Variants in JADE2 observed in about 807,000 individuals in gnomAD.
The protein encoded by JADE2 is E3 ubiquitin-protein ligase Jade-2.
Under a neutral mutation model 85.7 loss-of-function variants are expected in JADE2, and 13 were observed. That is an observed-to-expected ratio of 0.15 (90% confidence interval 0.10 to 0.24). The LOEUF (loss-of-function observed/expected upper bound fraction) is 0.24, where lower values mean the gene tolerates loss of function less well. Among genes scored for constraint, JADE2 ranks in the 10% least tolerant of loss-of-function variants. The probability of loss-of-function intolerance (pLI) is 1.00; values close to 1 mark genes in which losing one functional copy is unlikely to be tolerated. For synonymous variants in JADE2, 440 were observed against 456.1 expected (o/e 0.96, Z 0.45); for missense variants, 846 against 1,115.9 (o/e 0.76, Z 3.45).
At chr5:134,567,700 T>G (rs1198790415) in intron 9 of JADE2, among the ~76,000 whole-genome samples, 5 of 152,314 alleles carry the variant, frequency 3.3e-5, no homozygotes, top group Admixed American at 3.3e-4. Flanking sequence ...GGTGTTGTAC[T>G]GTCAGGGAAG....
chr5:134,573,947 A>C (rs1653517504), intron 10 of JADE2, 185 bp downstream of exon 10: 1 of 678,784 alleles, frequency 1.5e-6, no homozygotes, highest in African/African-American at 1.8e-5. Context: ...AAGGGTCCTG[A>C]GTTGTGCGTC....
chr5:134,554,519 C>T (rs1412738873), intron 4 of JADE2, among the ~76,000 whole-genome samples: 3 of 152,310 alleles, frequency 2.0e-5, no homozygotes, highest in South Asian at 2.1e-4. Flanking sequence ...GATGTTTCCA[C>T]ACCAGTAGCT....
chr5:134,559,040 C>A (rs1323453017), intron 4 of JADE2, among the ~76,000 whole-genome samples: 2 of 152,222 alleles, frequency 1.3e-5, no homozygotes, highest in Admixed American at 6.5e-5. Flanking sequence ...GGGACTGCAG[C>A]AGGCACATCT....
chr5:134,562,848 C>T lies in JADE2; in HGVS notation c.852+481C>T, dbSNP rs899289146. On this transcript the variant is annotated intron_variant, in intron 7 of 11. Coordinates refer to ENST00000681547, the MANE Select transcript of JADE2 (RefSeq NM_001388185.1). The surrounding 1 kb of genome is among the most constrained non-coding windows in gnomAD (Gnocchi z 4.6). ...CAGGCCGCAGCTATAGGGAGCTTTG[C>T]TTGTGGACTTGGACAGAGCTCAGGT... 6.6e-6 allele frequency among the ~76,000 whole-genome samples: 1 copy of T among 152,208 alleles called. No individual in the cohort carries two copies. Among genetic ancestry groups the T allele is most frequent in the Non-Finnish European group, 1.5e-5 (1 of 68,038 alleles).
chr5:134,539,048 T>TTTATTTATTTATTTATTTATTTAC (rs1406635480), intron 3 of JADE2, among the ~76,000 whole-genome samples: 8 of 139,002 alleles, frequency 5.8e-5, no homozygotes, highest in African/African-American at 2.3e-4. Flanking sequence ...TTTTATTTTA[T>TTTATTTATTTATTTATTTATTTAC]TTATTTATTT....
chr5:134,564,183 C>A, intron 7 of JADE2: 1 of 214,004 alleles, frequency 4.7e-6, no homozygotes. Context: ...AAGGCCCACG[C>A]AGTCTTAAGC....
At chr5:134,529,597 C>G (rs1761098139) in intron 1 of JADE2, among the ~76,000 whole-genome samples, 1 of 152,212 alleles carries the variant, frequency 6.6e-6, no homozygotes, top group African/African-American at 2.4e-5. Context: ...AGACTAAGCC[C>G]AAAGCAGGCA....
chr5:134,538,228 C>T, intron 3 of JADE2, 145 bp downstream of exon 3: 1 of 624,846 alleles, frequency 1.6e-6, no homozygotes. Flanking sequence ...GGAGTAGGGG[C>T]CAGTTTCCCT....
chr5:134,535,300 G>C (rs936825083), intron 1 of JADE2, among the ~76,000 whole-genome samples: 3 of 152,104 alleles, frequency 2.0e-5, no homozygotes, highest in Non-Finnish European at 2.9e-5. Flanking sequence ...GTGTCTCAGG[G>C]ACCCAGCCTG....
At chr5:134,571,142 G>T (rs1319741738) in intron 9 of JADE2, among the ~76,000 whole-genome samples, 2 of 152,340 alleles carry the variant, frequency 1.3e-5, no homozygotes, top group East Asian at 3.9e-4. Flanking sequence ...GCGGACATCT[G>T]TCTGGCCTCT....
At chr5:134,540,384 A>G (rs1761896128) in intron 3 of JADE2, among the ~76,000 whole-genome samples, 1 of 150,454 alleles carries the variant, frequency 6.6e-6, no homozygotes, top group Non-Finnish European at 1.5e-5. Context: ...ATGCCTGGCT[A>G]ATTTTTTTTT....
In JADE2 at chr5:134,555,820, A is replaced by G. The variant is rs558977600; in HGVS notation, c.311+3611A>G. Among the ~76,000 whole-genome samples the G allele has an allele frequency of 1.1e-4, 17 of 152,338 alleles. No homozygotes were observed. The South Asian group carries it at 3.1e-3, about 28-fold the overall frequency. On this transcript the variant is annotated intron_variant, in intron 4 of 11. Transcript: ENST00000681547. ...GACCGAGTGTGTTAGTATTGCTTCC[A>G]TATGGAATCACCTGTTAGTGTGGGG...
chr5:134,564,511 A>C lies in JADE2; in HGVS notation c.870A>C (p.Pro290=). The change falls in exon 8 of 12, where the codon CCA becomes CCC. Residue 290 remains proline (P), a synonymous_variant. Transcript: ENST00000681547. ...LWIPEVSIGC[P]EKMEPITKIS... ...CTGCCCAGGTCAGCATCGGCTGCCC[A>C]GAGAAGATGGAGCCCATCACCAAGA... 6.3e-7 allele frequency: 1 copy of C among 1,591,784 alleles called. No individual in the cohort carries two copies. Among genetic ancestry groups the C allele is most frequent in the East Asian group, 2.3e-5 (1 of 44,092 alleles).
chr5:134,562,374 G>A lies in JADE2; in HGVS notation c.852+7G>A. On this transcript the variant is annotated splice_region_variant and intron_variant, in intron 7 of 11. Coordinates refer to ENST00000681547, the MANE Select transcript of JADE2 (RefSeq NM_001388185.1). The surrounding 1 kb of genome is among the most constrained non-coding windows in gnomAD (Gnocchi z 4.6). ...TGCCCTATGGATTCCTGAGGTGGGT[G>A]AGCGTGGAGGTGAGGCAGCCCAAGG... The A allele has an allele frequency of 6.2e-7, 1 of 1,604,788 alleles. No homozygotes were observed. Among genetic ancestry groups the A allele is most frequent in the Non-Finnish European group, 8.5e-7 (1 of 1,173,226 alleles).
intron 8 of JADE2, among the ~76,000 whole-genome samples, chr5:134,564,917 C>T (rs1367214899): frequency 1.3e-5 from 2 of 152,208 alleles, no homozygotes; most frequent in Non-Finnish European, 2.9e-5. Flanking sequence ...AGCCTCACTT[C>T]TGACATTGAA....
At chr5:134,568,390 CT>C (rs1441476925) in intron 9 of JADE2, among the ~76,000 whole-genome samples, 1 of 152,170 alleles carries the variant, frequency 6.6e-6, no homozygotes, top group Non-Finnish European at 1.5e-5. Flanking sequence ...AAAAGCATCC[CT>C]TTTTCAGTCC....
chr5:134,576,416 CT>C (rs1764368318), intron 10 of JADE2, among the ~76,000 whole-genome samples: 1 of 152,182 alleles, frequency 6.6e-6, no homozygotes, highest in South Asian at 2.1e-4. Flanking sequence ...ACCTACATGT[CT>C]AGCTCCTCAG....
At chr5:134,553,690 G>A (rs1387926947) in intron 4 of JADE2, among the ~76,000 whole-genome samples, 1 of 152,206 alleles carries the variant, frequency 6.6e-6, no homozygotes, top group Non-Finnish European at 1.5e-5. Flanking sequence ...TTTTACGGGA[G>A]TTCTTAGAGG....
chr5:134,560,169 T>C (rs1270218351), intron 5 of JADE2, among the ~76,000 whole-genome samples, 179 bp downstream of exon 5: 1 of 152,204 alleles, frequency 6.6e-6, no homozygotes, highest in African/African-American at 2.4e-5. Flanking sequence ...ACCTGAAGTT[T>C]CTGCAGCTAT....
Sources: gnomAD v4.1 joint callset for allele counts (sites outside exome capture counted in the v4.1 genomes callset) on GRCh38, gnomAD v4.1.1 for gene constraint, Gnocchi (gnomAD v3.1) non-coding constraint, MANE v1.5 for transcripts, NCBI Gene and HGNC (gene_info 2026-07-23, HGNC 2026-07-21) for gene names.